Variants in TNFAIP8L3 observed in about 807,000 individuals in gnomAD.
The protein encoded by TNFAIP8L3 is TNF alpha induced protein 8 like 3, also known as tumor necrosis factor alpha-induced protein 8-like protein 3.
A neutral mutation model predicts 11.8 loss-of-function variants in TNFAIP8L3; 7 were observed. The ratio of observed to expected loss-of-function variants is 0.59; its 90% CI spans 0.34 to 1.11. The LOEUF (loss-of-function observed/expected upper bound fraction) is 1.11, where lower values mean the gene tolerates loss of function less well. Ranked by LOEUF, TNFAIP8L3 falls within the 50% of genes most tolerant of loss-of-function variation. The pLI is 0.03. For synonymous variants in TNFAIP8L3, 98 were observed against 103.8 expected, an observed-to-expected ratio of 0.94 and a Z score of 0.34; for missense variants, 219 against 258.6, an observed-to-expected ratio of 0.85 and a Z score of 1.05.
At position 51,061,015 on chromosome 15, in the gene TNFAIP8L3, A is replaced by G. The variant is rs540518753; in HGVS notation, c.53-2572T>C. ...GCCAGGCATGATGGCATGCATCTGT[A>G]GGCCCAGCTACTTGGGAGTCTGAAA... On this transcript the variant is annotated intron_variant, in intron 1 of 1. Transcript: ENST00000637513. Among the ~76,000 whole-genome samples, 56 of 152,334 alleles carry G rather than the reference A, an allele frequency of 3.7e-4. No individual in the cohort carries two copies. The Middle Eastern group carries it at 0.01, about 28-fold the overall frequency.
rs2065321403 is a variant in TNFAIP8L3, at chr15:51,072,989, C to CTTTTTTTTTTTTTTTTTTTTTTTTTT, written c.53-14547_53-14546insAAAAAAAAAAAAAAAAAAAAAAAAAA. 4.4e-5 allele frequency among the ~76,000 whole-genome samples: 2 copies of CTTTTTTTTTTTTTTTTTTTTTTTTTT among 45,752 alleles called. 1 individual carries two copies. 30.0% of individuals were successfully genotyped at this position (45,752 alleles called of 152,430 possible). ...ATGTTGATCTGAAGTAAACTGGGAT[C>CTTTTTTTTTTTTTTTTTTTTTTTTTT]CTTTTTTTTTTTTTTTTTTTTTTTG... On this transcript the variant is annotated intron_variant, in intron 1 of 1. Transcript: ENST00000637513.
At chr15:51,098,897 C>T (rs903688883), upstream of TNFAIP8L3, among the ~76,000 whole-genome samples, 1 of 152,178 alleles carries the variant, frequency 6.6e-6, no homozygotes, top group Non-Finnish European at 1.5e-5. Flanking sequence ...AAACAATCCT[C>T]TATTGTTGAG....
In TNFAIP8L3 at chr15:51,057,787, G is replaced by T; in HGVS notation, c.*94C>A. ...AACAGGAAAGAACATGGACATCTTT[G>T]ACAAGGGTTTCTGCTTATGTTCTTG... On this transcript the variant is annotated 3_prime_UTR_variant, in exon 2 of 2. Coordinates refer to ENST00000637513, the MANE Select transcript of TNFAIP8L3 (RefSeq NM_001311175.2). 9.1e-7 allele frequency: 1 copy of T among 1,100,390 alleles called. No homozygotes were observed. The highest frequency in any genetic ancestry group is 1.3e-6 in the Non-Finnish European group (1 of 766,944). 68.2% of individuals were successfully genotyped at this position (1,100,390 alleles called of 1,614,324 possible).
At chr15:51,079,878 A>G (rs2065379757) in intron 1 of TNFAIP8L3, among the ~76,000 whole-genome samples, 1 of 145,722 alleles carries the variant, frequency 6.9e-6, no homozygotes, top group Admixed American at 6.8e-5. Flanking sequence ...AAAAAAAAAA[A>G]AGAAAGAAAG....
intron 1 of TNFAIP8L3, among the ~76,000 whole-genome samples, chr15:51,078,790 C>T (rs1275149386): frequency 6.6e-6 from 1 of 152,050 alleles, no homozygotes; most frequent in African/African-American, 2.4e-5. Context: ...TTATTTCTCT[C>T]CCTCACCTCC....
At chr15:51,101,168 C>T (rs933673019) in intron 1 of TNFAIP8L3, among the ~76,000 whole-genome samples, 2 of 152,206 alleles carry the variant, frequency 1.3e-5, no homozygotes, top group Non-Finnish European at 2.9e-5. Context: ...GTGACCCCAA[C>T]CCCTTGGCTC....
intron 1 of TNFAIP8L3, among the ~76,000 whole-genome samples, chr15:51,102,464 C>A (rs1212672507): frequency 6.6e-6 from 1 of 152,136 alleles, no homozygotes; most frequent in Non-Finnish European, 1.5e-5. Flanking sequence ...TTTGTTCCTC[C>A]CTTCAAAGCA....
In TNFAIP8L3 at chr15:51,094,582, G is replaced by T; in HGVS notation, c.14C>A (p.Ser5Tyr). Reference sequence around the variant, plus strand: ...GGGCTCGCCCTCGCTCTGCTCCCCGGAATCCGAATCCATGCTGCGGGCTGC... The same window carrying T: ...GGGCTCGCCCTCGCTCTGCTCCCCGTAATCCGAATCCATGCTGCGGGCTGC... Reference protein sequence around the residue: MDSDSGEQSEGEPVT... With the variant: MDSDYGEQSEGEPVT... Residue 5 changes from serine to tyrosine, a missense_variant, in exon 1 of 2, where the codon TCC becomes TAC. Transcript: ENST00000637513. The surrounding 1 kb of genome is among the most constrained non-coding windows in gnomAD (Gnocchi z 4.4). 6.7e-7 allele frequency: 1 copy of T among 1,500,480 alleles called. No individual in the cohort carries two copies. The highest frequency in any genetic ancestry group is 1.2e-5 in the South Asian group (1 of 80,944). 92.9% of individuals were successfully genotyped at this position (1,500,480 alleles called of 1,614,324 possible).
At chr15:51,065,187 A>AT (rs1426870908) in intron 1 of TNFAIP8L3, among the ~76,000 whole-genome samples, 1 of 152,240 alleles carries the variant, frequency 6.6e-6, no homozygotes, top group African/African-American at 2.4e-5. Context: ...GAAGAGCTCA[A>AT]TCAAAGATAA....
chr15:51,073,929 ATAATT>A (rs1216909258), intron 1 of TNFAIP8L3, among the ~76,000 whole-genome samples: 1 of 152,252 alleles, frequency 6.6e-6, no homozygotes, highest in Non-Finnish European at 1.5e-5. Flanking sequence ...AGATGATCAT[ATAATT>A]TATCTTATAA....
chr15:51,083,240 A>G (rs1028287054), intron 1 of TNFAIP8L3, among the ~76,000 whole-genome samples: 4 of 152,164 alleles, frequency 2.6e-5, no homozygotes, highest in Non-Finnish European at 5.9e-5. Context: ...CTTCAGAAAT[A>G]GATTCACATT....
intron 1 of TNFAIP8L3, among the ~76,000 whole-genome samples, chr15:51,069,307 G>A (rs57874488): frequency 0.011 from 1,638 of 152,284 alleles, 44 homozygotes; most frequent in African/African-American, 0.038. Flanking sequence ...TGTTTTGGGG[G>A]CACCAAACAT....
At chr15:51,102,279 C>T (rs2065559308) in intron 1 of TNFAIP8L3, among the ~76,000 whole-genome samples, 1 of 152,148 alleles carries the variant, frequency 6.6e-6, no homozygotes, top group Admixed American at 6.5e-5. Flanking sequence ...TTAAAAGTAT[C>T]CTCTCGTGGT....
chr15:51,094,776 C>G lies in TNFAIP8L3; in HGVS notation c.-181G>C. On this transcript the variant is annotated 5_prime_UTR_variant, in exon 1 of 2. Transcript: ENST00000637513. The surrounding 1 kb of genome is among the most constrained non-coding windows in gnomAD (Gnocchi z 4.4). ...GGCTCCGCAGAGGCGAGCGCCGCCG[C>G]GCCCCGCTCCCCGCGCCCGCCGGCC... 1 of 731,554 alleles carries G rather than the reference C, an allele frequency of 1.4e-6. No homozygotes were observed. Among genetic ancestry groups the G allele is most frequent in the South Asian group, 6.2e-5 (1 of 16,152 alleles). The allele number at this position is 731,554 out of a possible 1,614,324, so 45.3% of individuals were successfully genotyped here. A position where few individuals can be genotyped will look rare whatever the true frequency, so the allele number is the denominator to read the frequency against.
At chr15:51,089,183 C>T (rs1224324428) in intron 1 of TNFAIP8L3, among the ~76,000 whole-genome samples, 1 of 152,146 alleles carries the variant, frequency 6.6e-6, no homozygotes, top group African/African-American at 2.4e-5. Context: ...CTCCATCTCA[C>T]AGTCTGCTTC....
At chr15:51,091,030 T>C (rs1284622429) in intron 1 of TNFAIP8L3, among the ~76,000 whole-genome samples, 1 of 152,322 alleles carries the variant, frequency 6.6e-6, no homozygotes, top group Admixed American at 6.5e-5. Context: ...TTCTGAGAGA[T>C]GGATGGTGGG....
At chr15:51,064,043 G>A (rs763712000) in intron 1 of TNFAIP8L3, among the ~76,000 whole-genome samples, 47 of 152,260 alleles carry the variant, frequency 3.1e-4, no homozygotes, top group Non-Finnish European at 6.6e-4. Context: ...GGCTCAGGAG[G>A]GTCACCGGGA....
At position 51,058,300 on chromosome 15, in the gene TNFAIP8L3, C is replaced by T; in HGVS notation, c.196G>A (p.Glu66Lys). 8 of 1,614,152 alleles carry T rather than the reference C, an allele frequency of 5.0e-6. No homozygotes were observed. Among genetic ancestry groups the T allele is most frequent in the Non-Finnish European group, 6.8e-6 (8 of 1,180,040 alleles). The change falls in exon 2 of 2, where the codon GAG becomes AAG. Residue 66 changes from glutamate (E) to lysine (K), a missense_variant. Glu to Lys is a moderately conservative substitution (Grantham distance 56). Coordinates refer to ENST00000637513, the MANE Select transcript of TNFAIP8L3 (RefSeq NM_001311175.2). ...IFDELYKVTK[E>K]HTHNKKEAHK... ...GCTTCCTTCTTGTTGTGTGTGTGCT[C>T]TTTGGTGACTTTGTAGAGCTCATCA... is the stretch of plus-strand genomic sequence containing the variant.
At chr15:51,078,714 C>T (rs1344134471) in intron 1 of TNFAIP8L3, among the ~76,000 whole-genome samples, 1 of 152,010 alleles carries the variant, frequency 6.6e-6, no homozygotes, top group East Asian at 1.9e-4. Context: ...GAAGTCCTCT[C>T]CTTGTATGAT....
Sources: gnomAD v4.1 joint callset for allele counts (sites outside exome capture counted in the v4.1 genomes callset) on GRCh38, gnomAD v4.1.1 for gene constraint, Gnocchi (gnomAD v3.1) non-coding constraint, MANE v1.5 for transcripts, NCBI Gene and HGNC (gene_info 2026-07-23, HGNC 2026-07-21) for gene names.